Variants in TMEM161B observed in about 807,000 individuals in gnomAD.
The protein encoded by TMEM161B is transmembrane protein 161B.
Under a neutral mutation model 61.8 loss-of-function variants are expected in TMEM161B, and 34 were observed. That is an observed-to-expected ratio of 0.55 (90% CI 0.42 to 0.73). TMEM161B has a LOEUF of 0.73. Among genes scored for constraint, TMEM161B ranks in the 30% least tolerant of loss-of-function variants. TMEM161B has a pLI of 0.00. For synonymous variants in TMEM161B, 167 were observed against 192.8 expected, an observed-to-expected ratio of 0.87 and a Z score of 1.11; for missense variants, 456 against 558.5, an observed-to-expected ratio of 0.82 and a Z score of 1.85.
chr5:88,211,747 G>A (rs560465079), intron 5 of TMEM161B, among the ~76,000 whole-genome samples: 1 of 148,168 alleles, frequency 6.7e-6, no homozygotes, highest in Admixed American at 6.8e-5. Context: ...TGCCAGCCTG[G>A]TAACAGAGCA....
rs1214227485 is a variant in TMEM161B, at chr5:88,202,970, A to G, written c.906T>C (p.Ser302=). ...YIMNPPLGKE[S]IPLMTEATFD... ...CAAATGCCCATACTTACAAAGGGAT[A>G]CTTTCTTTGCCCAGTGGTGGGTTCA... The change falls in exon 9 of 12, where the codon AGT becomes AGC. Residue 302 remains serine (S), a synonymous_variant. Transcript: ENST00000296595. 1.0e-5 allele frequency: 16 copies of G among 1,604,946 alleles called. No homozygotes were observed. Among genetic ancestry groups the G allele is most frequent in the Non-Finnish European group, 1.4e-5 (16 of 1,171,978 alleles).
Position 88,202,980 on chromosome 5 carries a change from C to A in TMEM161B, c.896G>T (p.Gly299Val). 6.2e-7 allele frequency: 1 copy of A among 1,609,238 alleles called. No individual in the cohort carries two copies. The highest frequency in any genetic ancestry group is 8.5e-7 in the Non-Finnish European group (1 of 1,175,902). Residue 299 changes from glycine (G) to valine (V), a missense_variant, in exon 9 of 12, where the codon GGC becomes GTC. Physicochemically the swap from Gly to Val is moderately radical, Grantham distance 109. Transcript: ENST00000296595. ...TACTTACAAAGGGATACTTTCTTTG[C>A]CCAGTGGTGGGTTCATAATGTAGTC... ...TKDYIMNPPLGKESIPLMTEA... is the reference protein window; with the variant it reads ...TKDYIMNPPLVKESIPLMTEA...
intron 5 of TMEM161B, among the ~76,000 whole-genome samples, chr5:88,216,860 A>G (rs1747948961): frequency 6.6e-6 from 1 of 152,164 alleles, no homozygotes; most frequent in Non-Finnish European, 1.5e-5. Flanking sequence ...AACAATTAGT[A>G]AGTAAGTAAA....
chr5:88,208,678 A>C (rs1170998482), intron 5 of TMEM161B, among the ~76,000 whole-genome samples: 1 of 152,156 alleles, frequency 6.6e-6, no homozygotes, highest in Non-Finnish European at 1.5e-5. Context: ...AGCAACAAAA[A>C]AACAACAACT....
At chr5:88,241,807 C>G (rs1752786195) in intron 1 of TMEM161B, among the ~76,000 whole-genome samples, 1 of 151,800 alleles carries the variant, frequency 6.6e-6, no homozygotes, top group Non-Finnish European at 1.5e-5. Flanking sequence ...ACGTCTAACT[C>G]TCCACTCGGT....
chr5:88,196,145 C>A lies in TMEM161B; in HGVS notation c.*66G>T. 1 of 1,518,598 alleles carries A rather than the reference C, an allele frequency of 6.6e-7. No individual in the cohort carries two copies. Among genetic ancestry groups the A allele is most frequent in the Non-Finnish European group, 8.8e-7 (1 of 1,139,302 alleles). 94.1% of individuals were successfully genotyped at this position (1,518,598 alleles called of 1,614,324 possible). ...TTTGCTTTCTTCTGGTTTTCATCAG[C>A]CCTTTAAGGGCACAGATATTTTAAT... On this transcript the variant is annotated 3_prime_UTR_variant, in exon 12 of 12. Transcript: ENST00000296595.
At chr5:88,213,869 T>G (rs1747336909) in intron 5 of TMEM161B, among the ~76,000 whole-genome samples, 1 of 152,154 alleles carries the variant, frequency 6.6e-6, no homozygotes, top group South Asian at 2.1e-4. Flanking sequence ...ATTCAATAAC[T>G]CTGAGTTTCA....
At chr5:88,211,641 G>T (rs1371525279) in intron 5 of TMEM161B, among the ~76,000 whole-genome samples, 1 of 151,480 alleles carries the variant, frequency 6.6e-6, no homozygotes, top group African/African-American at 2.4e-5. Flanking sequence ...GCGGCGGCGG[G>T]CGCCTGTAAT....
intron 5 of TMEM161B, among the ~76,000 whole-genome samples, chr5:88,217,026 G>GA (rs1285111336): frequency 6.6e-6 from 1 of 152,174 alleles, no homozygotes; most frequent in Non-Finnish European, 1.5e-5. Context: ...CTGTAGACAT[G>GA]AGGTACCTTC....
intron 5 of TMEM161B, among the ~76,000 whole-genome samples, chr5:88,218,819 T>C (rs1286752810): frequency 6.6e-6 from 1 of 152,192 alleles, no homozygotes; most frequent in East Asian, 1.9e-4. Context: ...AATTAATTCT[T>C]AGGGTAAATT....
chr5:88,254,207 G>A (rs1438964851), intron 1 of TMEM161B, among the ~76,000 whole-genome samples: 2 of 152,144 alleles, frequency 1.3e-5, no homozygotes, highest in Non-Finnish European at 2.9e-5. Flanking sequence ...GTATGGAGAT[G>A]TATTAATTCT....
intron 1 of TMEM161B, among the ~76,000 whole-genome samples, chr5:88,241,359 T>C (rs991545774): frequency 1.3e-5 from 2 of 151,802 alleles, no homozygotes; most frequent in Admixed American, 6.6e-5. Context: ...TGTTAAATTC[T>C]GGCAATTAGG....
chr5:88,232,194 C>G (rs1751106745), intron 2 of TMEM161B, among the ~76,000 whole-genome samples: 1 of 152,132 alleles, frequency 6.6e-6, no homozygotes, highest in South Asian at 2.1e-4. Context: ...TACAGTATGA[C>G]AGCCGAAACA....
chr5:88,215,387 A>G (rs774360127), intron 5 of TMEM161B, among the ~76,000 whole-genome samples: 41 of 152,306 alleles, frequency 2.7e-4, no homozygotes, highest in Non-Finnish European at 4.7e-4. Context: ...AAAAGATAGG[A>G]TGTAAACTTA....
intron 4 of TMEM161B, among the ~76,000 whole-genome samples, chr5:88,225,375 A>C (rs1749876526): frequency 6.6e-6 from 1 of 152,166 alleles, no homozygotes; most frequent in Admixed American, 6.5e-5. Flanking sequence ...TCGATTTTTC[A>C]ACTGCATAAA....
intron 10 of TMEM161B, 139 bp downstream of exon 10, chr5:88,198,837 G>A (rs1487529875): frequency 1.3e-6 from 1 of 784,266 alleles, no homozygotes; most frequent in East Asian, 2.8e-5. Context: ...TTTGATATCT[G>A]TCAACTTAAG....
At chr5:88,189,325 G>A (rs1030756872), downstream of TMEM161B, among the ~76,000 whole-genome samples, 3 of 151,894 alleles carry the variant, frequency 2.0e-5, no homozygotes, top group Non-Finnish European at 2.9e-5. Context: ...CTCATGCTTC[G>A]GCTATGCGTG....
At chr5:88,261,730 C>CAAAAAAAAAAAAAAA (rs70996464) in intron 1 of TMEM161B, among the ~76,000 whole-genome samples, 2 of 49,306 alleles carry the variant, frequency 4.1e-5, no homozygotes, top group African/African-American at 9.0e-5. Context: ...CATTCATGTG[C>CAAAAAAAAAAAAAAA]AAAAAAAAAA....
intron 1 of TMEM161B, among the ~76,000 whole-genome samples, chr5:88,267,255 C>T (rs2112806219): frequency 6.6e-6 from 1 of 152,204 alleles, no homozygotes; most frequent in East Asian, 1.9e-4. Flanking sequence ...GCTTTGGTTT[C>T]TCCCAGTTCT....
Sources: gnomAD v4.1 joint callset for allele counts (sites outside exome capture counted in the v4.1 genomes callset) on GRCh38, gnomAD v4.1.1 for gene constraint, MANE v1.5 for transcripts, NCBI Gene and HGNC (gene_info 2026-07-23, HGNC 2026-07-21) for gene names.